The following PDE4DIP variants were observed in gnomAD, a reference collection of about 807,000 sequenced individuals.
PDE4DIP encodes phosphodiesterase 4D interacting protein, also known as myomegalin.
A neutral mutation model predicts 221.4 loss-of-function variants in PDE4DIP; 59 were observed. The observed-to-expected ratio is 0.27, with a 90% CI of 0.22 to 0.33. The LOEUF (loss-of-function observed/expected upper bound fraction) is 0.33, where lower values mean the gene tolerates loss of function less well. Among genes scored for constraint, PDE4DIP ranks in the 10% least tolerant of loss-of-function variants. PDE4DIP has a pLI of 1.00. For missense variants in PDE4DIP, 1,036 were observed against 2,154.2 expected (o/e 0.48, Z 10.28); for synonymous variants, 404 against 815.9 (o/e 0.50, Z 8.60).
chr1:149,026,269 T>G (rs1470344681), intron 38 of PDE4DIP: 1 of 151,010 alleles, frequency 6.6e-6, no homozygotes, highest in African/African-American at 2.4e-5. Flanking sequence ...TTTTTTTCAG[T>G]ATTACCTCAT....
chr1:148,951,687 T>G (rs2053306586), intron 5 of PDE4DIP, among the ~76,000 whole-genome samples: 2 of 152,290 alleles, frequency 1.3e-5, no homozygotes, highest in Non-Finnish European at 2.9e-5. Context: ...TCTTCTACTA[T>G]CTTCAAGATC....
intron 37 of PDE4DIP, among the ~76,000 whole-genome samples, chr1:149,023,658 ATATG>A (rs1274707746): frequency 3.6e-5 from 4 of 110,220 alleles, no homozygotes; most frequent in Admixed American, 2.7e-4. Context: ...ATGTACATGT[ATATG>A]TGTGCACATA....
exon 44 of PDE4DIP, chr1:149,031,957 G>A: frequency 6.2e-7 from 1 of 1,608,832 alleles, no homozygotes; most frequent in African/African-American, 1.3e-5. Context: ...AAATCCCTAA[G>A]GGCTCTGCCA....
At chr1:149,032,711 T>C (rs1055424) in exon 44 of PDE4DIP, 28 of 222,260 alleles carry the variant, frequency 1.3e-4, no homozygotes, top group Non-Finnish European at 1.4e-4. Context: ...CCCTATCTTA[T>C]CTCGGGGAAA....
chr1:148,926,708 A>T (rs1346109345), intron 1 of PDE4DIP, among the ~76,000 whole-genome samples: 2 of 151,982 alleles, frequency 1.3e-5, no homozygotes, highest in East Asian at 3.9e-4. Flanking sequence ...CATTTCCCAC[A>T]TAATTGAATG....
chr1:148,991,773 A>G (rs782296573), intron 21 of PDE4DIP, 112 bp from the exon 25 acceptor site: 78,297 of 749,170 alleles, frequency 0.1, 4,579 homozygotes, highest in Middle Eastern at 0.18. Flanking sequence ...TGCCCCATGT[A>G]TATGGAGAAA....
exon 6 of PDE4DIP, chr1:148,960,708 A>C: frequency 1.9e-6 from 1 of 524,746 alleles, no homozygotes; most frequent in Middle Eastern, 4.7e-4. Flanking sequence ...TGAGACCACT[A>C]TAACTCAGCA....
At chr1:148,967,947 A>G (rs782255080) in intron 13 of PDE4DIP, 42 bp downstream of exon 16, 1 of 828,168 alleles carries the variant, frequency 1.2e-6, no homozygotes, top group South Asian at 1.6e-5. Context: ...TTCAGTGATT[A>G]TGTAATCTCA....
chr1:148,819,448 A>G (rs112150970), intron 1 of PDE4DIP, among the ~76,000 whole-genome samples: 18 of 658 alleles, frequency 0.027, 1 homozygote, highest in Middle Eastern at 0.071. Flanking sequence ...AACTGTTGCA[A>G]GTGGTTCACG....
At position 148,825,956 on chromosome 1, in the gene PDE4DIP, T is replaced by C. The variant is rs372157619; in HGVS notation, c.233+17219T>C. ...TTTATTTAAAGTTTTGATATTTTGT[T>C]CATTGCGGATTTTTTTTGCGTTACT... On this transcript the variant is annotated intron_variant, in intron 1 of 45. Coordinates refer to the PDE4DIP transcript ENST00000524974. 1.3e-4 allele frequency among the ~76,000 whole-genome samples: 12 copies of C among 92,658 alleles called. 4 individuals carry two copies. The highest frequency in any genetic ancestry group is 2.1e-4 in the African/African-American group (5 of 24,040). 60.8% of individuals were successfully genotyped at this position (92,658 alleles called of 152,430 possible).
intron 4 of PDE4DIP, among the ~76,000 whole-genome samples, chr1:148,933,305 T>A (rs2150657332): frequency 1.3e-5 from 2 of 152,272 alleles, no homozygotes; most frequent in East Asian, 3.9e-4. Context: ...TAAATAATTG[T>A]ACATAACTGG....
intron 4 of PDE4DIP, among the ~76,000 whole-genome samples, chr1:148,934,518 T>A (rs2921247): frequency 4.0e-5 from 6 of 151,648 alleles, no homozygotes; most frequent in East Asian, 1.9e-4. Context: ...GCAGATACCA[T>A]GAGGGAATTT....
rs782327272 is a variant in PDE4DIP at position 149,001,907 on chromosome 1, G to T, written c.3454G>T (p.Glu1152Ter). The change falls in exon 24 of 44, where the codon GAA (glutamate) becomes TAA (stop). Residue 1152 changes from glutamate to a stop codon, truncating the protein, a stop_gained. Coordinates refer to ENST00000369354, the Ensembl canonical transcript of PDE4DIP. LOFTEE classifies it high-confidence loss of function. ...CAGCACCATTGAAAGAATAAACACA[G>T]AACTGGTTGGTTCCCCTGGGAAGCA... The T allele has an allele frequency of 6.2e-6, 10 of 1,613,640 alleles. No individual in the cohort carries two copies. In the Admixed American group the frequency reaches 1.7e-4, roughly 27 times the overall value.
At chr1:148,982,991 A>T (rs1216761953) in intron 21 of PDE4DIP, 1 of 152,162 alleles carries the variant, frequency 6.6e-6, no homozygotes, top group African/African-American at 2.4e-5. Flanking sequence ...TTTGCAAAAG[A>T]TTAATAGCCA....
At chr1:148,985,526 C>T (rs1334095001) in intron 21 of PDE4DIP, 5 of 152,034 alleles carry the variant, frequency 3.3e-5, no homozygotes, top group African/African-American at 1.2e-4. Flanking sequence ...TCAACTTCTC[C>T]CTGTTCTCAC....
intron 1 of PDE4DIP, among the ~76,000 whole-genome samples, chr1:148,892,071 G>A (rs1329763675): frequency 2.6e-5 from 3 of 113,256 alleles, no homozygotes; most frequent in African/African-American, 7.7e-5. Context: ...GCAGTGGCAC[G>A]ATCTCAGCTC....
At chr1:148,956,492 C>T (rs1553502587) in intron 5 of PDE4DIP, among the ~76,000 whole-genome samples, 1 of 152,038 alleles carries the variant, frequency 6.6e-6, no homozygotes, top group African/African-American at 2.4e-5. Flanking sequence ...TATTTCCCTT[C>T]TACAGAATTT....
chr1:149,025,925 G>C (rs1318529012), intron 38 of PDE4DIP: 1 of 152,252 alleles, frequency 6.6e-6, no homozygotes, highest in Admixed American at 6.5e-5. Context: ...GCTTACATTA[G>C]TTGGACACCT....
intron 5 of PDE4DIP, among the ~76,000 whole-genome samples, chr1:148,950,408 G>A (rs2052864163): frequency 6.6e-6 from 1 of 152,236 alleles, no homozygotes; most frequent in East Asian, 1.9e-4. Context: ...TGGTTTTTGA[G>A]TCAGAATATA....
Sources: gnomAD v4.1 joint callset for allele counts (sites outside exome capture counted in the v4.1 genomes callset) on GRCh38, gnomAD v4.1.1 for gene constraint, MANE v1.5 for transcripts, NCBI Gene and HGNC (gene_info 2026-07-23, HGNC 2026-07-21) for gene names.